The following ATP6V1D variants were observed in gnomAD, a reference collection of about 807,000 sequenced individuals.
ATP6V1D encodes ATPase H+ transporting V1 subunit D, also known as V-type proton ATPase subunit D.
A neutral mutation model predicts 39.4 loss-of-function variants in ATP6V1D; 20 were observed. The ratio of observed to expected loss-of-function variants is 0.51; its 90% CI spans 0.36 to 0.74. The LOEUF (loss-of-function observed/expected upper bound fraction) is 0.74. ATP6V1D is among the 30% of genes least tolerant of loss of function. The pLI is 0.00. For synonymous variants in ATP6V1D, 100 were observed against 100.5 expected (o/e 0.99, Z 0.03); for missense variants, 228 against 291.6 (o/e 0.78, Z 1.59).
chr14:67,348,875 AT>A, intron 4 of ATP6V1D, 161 bp downstream of exon 4: 2 of 706,990 alleles, frequency 2.8e-6, no homozygotes, highest in Non-Finnish European at 4.6e-6. Flanking sequence ...ATCCTGAGTA[AT>A]TAGAAACCTG....
Position 67,350,612 on chromosome 14 carries a change from T to C in ATP6V1D, c.238A>G (p.Ser80Gly). The stretch of plus-strand genomic sequence containing the variant: ...AAACACCCCGTTTAGTCCCCTTACC[T>C]GAAGTCACCTGCTGTGAACTTGGCT... ...AEAKFTAGDF[S>G]TTVIQNVNKA... The change falls in exon 3 of 9, where the codon AGC becomes GGC. Residue 80 changes from serine (S) to glycine (G), a missense_variant and splice_region_variant. Physicochemically the swap from Ser to Gly is moderately conservative, Grantham distance 56. Around this residue, in one of 3 missense-constraint regions of ATP6V1D, gnomAD observed 104 missense variants for 120.2 expected, o/e 0.87. Coordinates refer to ENST00000216442, the MANE Select transcript of ATP6V1D (RefSeq NM_015994.4). 1 of 1,613,004 alleles carries C rather than the reference T, an allele frequency of 6.2e-7. No individual in the cohort carries two copies. The highest frequency in any genetic ancestry group is 1.3e-5 in the African/African-American group (1 of 75,024).
chr14:67,343,358 T>A lies in ATP6V1D; in HGVS notation c.523+14A>T, dbSNP rs199938786. The A allele has an allele frequency of 1.3e-5, 20 of 1,597,500 alleles. No individual in the cohort carries two copies. The East Asian group carries it at 3.8e-4, about 30-fold the overall frequency. On this transcript the variant is annotated intron_variant, in intron 7 of 8. Transcript: ENST00000216442. ...GGACAAGTGACAAAGCACCTCACAG[T>A]ACCTAATACTCACCATGTTCAATGG...
At chr14:67,347,916 C>CT (rs3067318) in intron 4 of ATP6V1D, among the ~76,000 whole-genome samples, 49 of 146,204 alleles carry the variant, frequency 3.4e-4, no homozygotes, top group Middle Eastern at 3.5e-3. Flanking sequence ...AACTTGCCTT[C>CT]TTTTTTTTTT....
intron 6 of ATP6V1D, among the ~76,000 whole-genome samples, chr14:67,344,026 T>C (rs2085604344): frequency 6.6e-6 from 1 of 152,194 alleles, no homozygotes; most frequent in African/African-American, 2.4e-5. Flanking sequence ...AGTAAGGAAA[T>C]CTTAAGTTTC....
chr14:67,342,231 AAC>A (rs1288891522), intron 7 of ATP6V1D, among the ~76,000 whole-genome samples: 28 of 151,118 alleles, frequency 1.9e-4, no homozygotes, highest in African/African-American at 6.5e-4. Flanking sequence ...AATAAAAAAA[AAC>A]ACAAAGAAAA....
At chr14:67,351,970 CCTT>C (rs1434080105) in intron 2 of ATP6V1D, among the ~76,000 whole-genome samples, 3 of 143,480 alleles carry the variant, frequency 2.1e-5, no homozygotes, top group African/African-American at 5.5e-5. Flanking sequence ...ATGAAAAGCT[CCTT>C]AACTTCACAA....
intron 3 of ATP6V1D, 127 bp from the exon 4 acceptor site, chr14:67,349,231 C>T: frequency 1.1e-6 from 1 of 925,782 alleles, no homozygotes; most frequent in Non-Finnish European, 1.6e-6. Flanking sequence ...GTTTTGATAA[C>T]TGTCCTTTTT....
intron 5 of ATP6V1D, among the ~76,000 whole-genome samples, chr14:67,347,146 G>C (rs924102553): frequency 6.6e-5 from 10 of 151,984 alleles, no homozygotes; most frequent in African/African-American, 2.4e-4. Context: ...ACCACACCTG[G>C]CTGATTTTTT....
chr14:67,340,550 A>G, intron 7 of ATP6V1D, 32 bp from the exon 8 acceptor site: 1 of 1,558,200 alleles, frequency 6.4e-7, no homozygotes, highest in African/African-American at 1.4e-5. Flanking sequence ...TATGTGTGAG[A>G]ACTTCAAACC....
chr14:67,349,368 T>G (rs1041970842), intron 3 of ATP6V1D, among the ~76,000 whole-genome samples: 1 of 152,246 alleles, frequency 6.6e-6, no homozygotes, highest in African/African-American at 2.4e-5. Flanking sequence ...TTGCTTATGT[T>G]TTCAGTCAGA....
chr14:67,338,679 A>G lies in ATP6V1D; in HGVS notation c.686T>C (p.Val229Ala). Residue 229 changes from valine (V) to alanine (A), a missense_variant, in exon 9 of 9, where the codon GTG becomes GCG. Around this residue, in one of 3 missense-constraint regions of ATP6V1D, gnomAD observed 114 missense variants for 128.3 expected, o/e 0.89. Coordinates refer to ENST00000216442, the MANE Select transcript of ATP6V1D (RefSeq NM_015994.4). The stretch of plus-strand genomic sequence containing the variant: ...AGCCAGAAGATTAGCAGGCTCCAAC[A>G]CCTCTCCAGCTGCTCTCCTTTGCTC... ...DLEQRRAAGE[V>A]LEPANLLAEE... 1 of 1,613,652 alleles carries G rather than the reference A, an allele frequency of 6.2e-7. No homozygotes were observed. Among genetic ancestry groups the G allele is most frequent in the Non-Finnish European group, 8.5e-7 (1 of 1,179,830 alleles).
At chr14:67,343,155 T>C (rs1388238112) in intron 7 of ATP6V1D, among the ~76,000 whole-genome samples, 3 of 152,210 alleles carry the variant, frequency 2.0e-5, no homozygotes, top group Non-Finnish European at 4.4e-5. Flanking sequence ...CACTTTCCTA[T>C]GTGTGTAACT....
At chr14:67,356,545 G>C (rs2085686269) in intron 1 of ATP6V1D, among the ~76,000 whole-genome samples, 1 of 151,974 alleles carries the variant, frequency 6.6e-6, no homozygotes, top group African/African-American at 2.4e-5. Context: ...AGCTGAAAGG[G>C]ACTTTAGACA....
intron 7 of ATP6V1D, among the ~76,000 whole-genome samples, chr14:67,341,601 G>A (rs1378442770): frequency 1.3e-5 from 2 of 151,938 alleles, no homozygotes; most frequent in Non-Finnish European, 2.9e-5. Flanking sequence ...CCCTGTCCGG[G>A]AGGTGAGGGG....
At chr14:67,349,233 G>T in intron 3 of ATP6V1D, 129 bp from the exon 4 acceptor site, 2 of 900,882 alleles carry the variant, frequency 2.2e-6, no homozygotes, top group Non-Finnish European at 3.3e-6. Flanking sequence ...TTTGATAACT[G>T]TCCTTTTTCC....
chr14:67,358,506 A>T (rs147092075), intron 1 of ATP6V1D, among the ~76,000 whole-genome samples: 1 of 152,124 alleles, frequency 6.6e-6, no homozygotes, highest in African/African-American at 2.4e-5. Flanking sequence ...TCTAAATGTC[A>T]GGGTCAAAAC....
chr14:67,358,715 TAAATAA>T, intron 1 of ATP6V1D, among the ~76,000 whole-genome samples: 1 of 151,854 alleles, frequency 6.6e-6, no homozygotes, highest in South Asian at 2.1e-4. Context: ...AACAACAAAC[TAAATAA>T]AAATAAACAG....
chr14:67,345,465 G>A (rs1452715349), intron 6 of ATP6V1D, among the ~76,000 whole-genome samples: 2 of 151,934 alleles, frequency 1.3e-5, no homozygotes, highest in Non-Finnish European at 2.9e-5. Context: ...TGAGGCAGAA[G>A]AATCACTTGA....
chr14:67,341,659 C>G (rs900320943), intron 7 of ATP6V1D, among the ~76,000 whole-genome samples: 2 of 152,172 alleles, frequency 1.3e-5, no homozygotes, highest in Admixed American at 6.5e-5. Context: ...CCCCTCTGCC[C>G]GGCCACCACC....
Sources: gnomAD v4.1 joint callset for allele counts (sites outside exome capture counted in the v4.1 genomes callset) on GRCh38, gnomAD v4.1.1 for gene constraint, gnomAD v4.1.1 regional missense constraint, MANE v1.5 for transcripts, NCBI Gene and HGNC (gene_info 2026-07-23, HGNC 2026-07-21) for gene names.